DAB1: variants seen among roughly 807,000 people sequenced by gnomAD.
The protein encoded by DAB1 is DAB adaptor protein 1.
A neutral mutation model predicts 64.6 loss-of-function variants in DAB1; 15 were observed. The observed-to-expected ratio is 0.23, with a 90% CI of 0.16 to 0.36. The LOEUF (loss-of-function observed/expected upper bound fraction) is 0.36, where lower values mean the gene tolerates loss of function less well. DAB1 is among the 10% of genes least tolerant of loss of function. The pLI is 1.00. For synonymous variants in DAB1, 235 were observed against 251.9 expected (o/e 0.93, Z 0.64); for missense variants, 596 against 706.7 (o/e 0.84, Z 1.78).
At chr1:58,305,323 C>T (rs140975901) in intron 4 of DAB1, among the ~76,000 whole-genome samples, 1 of 152,290 alleles carries the variant, frequency 6.6e-6, no homozygotes, top group Non-Finnish European at 1.5e-5. Context: ...TCACAGCACC[C>T]TAACACAACC....
chr1:57,609,192 G>GT (rs149207667), intron 7 of DAB1, among the ~76,000 whole-genome samples: 2,023 of 152,206 alleles, frequency 0.013, 60 homozygotes, highest in African/African-American at 0.046. Flanking sequence ...TCAGTTCTCC[G>GT]TATCTGTGGG....
At chr1:58,450,147 A>T (rs1317207099) in intron 3 of DAB1, among the ~76,000 whole-genome samples, 6 of 152,218 alleles carry the variant, frequency 3.9e-5, no homozygotes, top group Non-Finnish European at 7.3e-5. Flanking sequence ...AACCCTGCAA[A>T]TAAATCATAG....
chr1:57,271,795 C>T (rs1474356687), intron 2 of DAB1, among the ~76,000 whole-genome samples: 1 of 152,212 alleles, frequency 6.6e-6, no homozygotes, highest in East Asian at 1.9e-4. Flanking sequence ...GTGCCTCACC[C>T]TTCCTACCAA....
At chr1:58,360,597 C>A (rs1205473948) in intron 3 of DAB1, among the ~76,000 whole-genome samples, 2 of 151,786 alleles carry the variant, frequency 1.3e-5, no homozygotes, top group Non-Finnish European at 2.9e-5. Context: ...CTCCTTCAAG[C>A]AAAGAAGGCA....
chr1:57,106,104 C>G (rs965362295), intron 4 of DAB1, among the ~76,000 whole-genome samples: 3 of 152,164 alleles, frequency 2.0e-5, no homozygotes, highest in African/African-American at 7.2e-5. Context: ...GTGCTCAGTT[C>G]CTAATAGTTT....
intron 7 of DAB1, among the ~76,000 whole-genome samples, chr1:57,459,998 A>G (rs1047204167): frequency 2.0e-5 from 3 of 152,154 alleles, no homozygotes; most frequent in Admixed American, 1.3e-4. Flanking sequence ...CCCACCTTAC[A>G]GTGGTGTTGC....
At position 58,117,215 on chromosome 1, in the gene DAB1, C is replaced by T. The variant is rs544291798; in HGVS notation, n.387+33296G>A. Among the ~76,000 whole-genome samples the T allele has an allele frequency of 7.9e-5, 12 of 152,284 alleles. No homozygotes were observed. In the South Asian group the frequency reaches 1.2e-3, roughly 16 times the overall value. The stretch of plus-strand genomic sequence containing the variant: ...TCCCAAAGCTCAGAGGCTTCCCTGC[C>T]TACCAAAAGAAACGTGTTGCCTGTA... On this transcript the variant is annotated intron_variant and non_coding_transcript_variant, in intron 5 of 20. Transcript: ENST00000485760.
At chr1:57,452,721 G>T (rs1163497316) in intron 7 of DAB1, among the ~76,000 whole-genome samples, 1 of 151,974 alleles carries the variant, frequency 6.6e-6, no homozygotes, top group Admixed American at 6.6e-5. Flanking sequence ...TTCCATTTCT[G>T]CAGAAAATGA....
intron 7 of DAB1, among the ~76,000 whole-genome samples, chr1:57,594,280 A>G (rs1274597543): frequency 6.6e-6 from 1 of 152,210 alleles, no homozygotes; most frequent in Non-Finnish European, 1.5e-5. Context: ...AGGAGAAAGC[A>G]CACTCATTTT....
intron 4 of DAB1, among the ~76,000 whole-genome samples, chr1:57,073,715 T>C (rs1651724402): frequency 5.9e-5 from 9 of 152,168 alleles, no homozygotes; most frequent in Admixed American, 5.9e-4. Context: ...ACCAGATCAA[T>C]GGGTCATAAG....
At chr1:58,024,021 G>C (rs558935549) in intron 5 of DAB1, among the ~76,000 whole-genome samples, 59 of 152,164 alleles carry the variant, frequency 3.9e-4, no homozygotes, top group Non-Finnish European at 6.5e-4. Context: ...TTATCCTTGA[G>C]AGTGGCATGA....
At chr1:58,297,122 T>G (rs1662012958) in intron 4 of DAB1, among the ~76,000 whole-genome samples, 1 of 152,208 alleles carries the variant, frequency 6.6e-6, no homozygotes, top group East Asian at 1.9e-4. Flanking sequence ...AATCAATGTT[T>G]CCCTTGAAAT....
intron 4 of DAB1, among the ~76,000 whole-genome samples, chr1:58,332,499 A>G (rs143980394): frequency 6.6e-6 from 1 of 152,326 alleles, no homozygotes; most frequent in East Asian, 1.9e-4. Flanking sequence ...TGTCTACACT[A>G]TAGTAGTCTG....
chr1:58,059,061 G>A (rs1334734644), intron 5 of DAB1, among the ~76,000 whole-genome samples: 1 of 152,154 alleles, frequency 6.6e-6, no homozygotes, highest in Non-Finnish European at 1.5e-5. Flanking sequence ...TGCAGTGAAG[G>A]TCTCAGCCCC....
chr1:57,622,039 G>C (rs1645865998), intron 7 of DAB1, among the ~76,000 whole-genome samples: 1 of 152,180 alleles, frequency 6.6e-6, no homozygotes, highest in Non-Finnish European at 1.5e-5. Flanking sequence ...AAACAGGAGA[G>C]GTGGGAGGGC....
chr1:57,470,580 A>C (rs925012739), intron 7 of DAB1, among the ~76,000 whole-genome samples: 6 of 152,160 alleles, frequency 3.9e-5, no homozygotes, highest in Non-Finnish European at 7.4e-5. Context: ...GATAGCCCCC[A>C]AAAAGTCCGT....
intron 4 of DAB1, among the ~76,000 whole-genome samples, chr1:57,094,096 G>A (rs1418532020): frequency 7.4e-6 from 1 of 134,602 alleles, no homozygotes; most frequent in Non-Finnish European, 1.5e-5. Context: ...GTGCCAGAGT[G>A]AGACTCTGCC....
chr1:57,524,728 G>C (rs1644570849), intron 7 of DAB1, among the ~76,000 whole-genome samples: 2 of 152,168 alleles, frequency 1.3e-5, no homozygotes, highest in Non-Finnish European at 2.9e-5. Context: ...AAATCACAAT[G>C]GTGGAATGTC....
intron 5 of DAB1, among the ~76,000 whole-genome samples, chr1:58,108,599 G>A (rs1051507932): frequency 2.6e-5 from 4 of 152,164 alleles, no homozygotes; most frequent in Non-Finnish European, 5.9e-5. Context: ...CTTCAGAGAT[G>A]GTGCCCGGGA....
Sources: allele counts gnomAD v4.1 joint callset (sites outside exome capture counted in the v4.1 genomes callset), GRCh38; gene constraint gnomAD v4.1.1; transcripts MANE v1.5; gene names NCBI Gene and HGNC (gene_info 2026-07-23, HGNC 2026-07-21).